PIP4K2B: variants seen among roughly 807,000 people sequenced by gnomAD.
The protein encoded by PIP4K2B is phosphatidylinositol 5-phosphate 4-kinase type-2 beta.
In PIP4K2B, 3 loss-of-function variants were observed where a neutral mutation model predicts 42.0. The observed-to-expected ratio is 0.07, with a 90% CI of 0.03 to 0.18. The LOEUF (loss-of-function observed/expected upper bound fraction) is 0.18, where lower values mean the gene tolerates loss of function less well. Among genes scored for constraint, PIP4K2B ranks in the 10% least tolerant of loss-of-function variants. The probability of loss-of-function intolerance (pLI) is 1.00; values close to 1 mark genes in which losing one functional copy is unlikely to be tolerated. For synonymous variants in PIP4K2B, 204 were observed against 210.1 expected, an observed-to-expected ratio of 0.97 and a Z score of 0.25; for missense variants, 332 against 562.3, an observed-to-expected ratio of 0.59 and a Z score of 4.14.
intron 1 of PIP4K2B, among the ~76,000 whole-genome samples, chr17:38,795,212 G>T (rs144858116): frequency 0.013 from 1,936 of 145,678 alleles, 29 homozygotes; most frequent in African/African-American, 0.047. Context: ...AATATAAAAA[G>T]AATTCTTGTA....
At chr17:38,797,140 A>G (rs1176708671) in intron 1 of PIP4K2B, among the ~76,000 whole-genome samples, 1 of 152,190 alleles carries the variant, frequency 6.6e-6, no homozygotes, top group African/African-American at 2.4e-5. Context: ...GCTTAAAGTC[A>G]ATGCCTTTCC....
rs763725996 is a variant in PIP4K2B, at chr17:38,784,253, T to C, written c.344A>G (p.Gln115Arg). ...NLRERFGIDD[Q>R]DYQNSVTRSA... ...CAGGAGCCTCCATACCTGGTAATCC[T>C]GATCATCAATTCCAAACCTCTCCCG... The change falls in exon 3 of 10, where the codon CAG becomes CGG. Residue 115 changes from glutamine to arginine, a missense_variant. Coordinates refer to ENST00000619039, the MANE Select transcript of PIP4K2B (RefSeq NM_003559.5). 3 of 1,606,344 alleles carry C rather than the reference T, an allele frequency of 1.9e-6. No homozygotes were observed. The highest frequency in any genetic ancestry group is 2.6e-6 in the Non-Finnish European group (3 of 1,172,896).
chr17:38,776,699 A>G, intron 7 of PIP4K2B: 1 of 395,248 alleles, frequency 2.5e-6, no homozygotes, highest in Non-Finnish European at 4.9e-6. Flanking sequence ...CAATTAAAAA[A>G]AATTTTTTTT....
Position 38,770,532 on chromosome 17 carries a change from G to A in PIP4K2B, c.1074C>T (p.Pro358=). The change falls in exon 9 of 10, where the codon CCC becomes CCT. Residue 358 remains proline, a synonymous_variant. Coordinates refer to ENST00000619039, the MANE Select transcript of PIP4K2B (RefSeq NM_003559.5). ...TGGCCATGAAATACACCTCCTTCTT[G>A]GGGGAACCTGGAGGGACAAGGAGAG... ...VYAMKSHESS[P]KKEVYFMAII... 1 of 1,583,336 alleles carries A rather than the reference G, an allele frequency of 6.3e-7. No individual in the cohort carries two copies. The highest frequency in any genetic ancestry group is 8.7e-7 in the Non-Finnish European group (1 of 1,152,860).
At chr17:38,782,898 A>AT in intron 3 of PIP4K2B, among the ~76,000 whole-genome samples, 1 of 152,254 alleles carries the variant, frequency 6.6e-6, no homozygotes, top group East Asian at 1.9e-4. Context: ...AAAGTCAGCT[A>AT]TATTTCAGGC....
chr17:38,795,801 G>A (rs1910629196), intron 1 of PIP4K2B, among the ~76,000 whole-genome samples: 1 of 151,332 alleles, frequency 6.6e-6, no homozygotes, highest in Non-Finnish European at 1.5e-5. Flanking sequence ...GTAAGTACAT[G>A]AAAAAATGCT....
rs540339184 is a variant in PIP4K2B at position 38,787,767 on chromosome 17, T to C, written c.160-847A>G. Among the ~76,000 whole-genome samples, 3 of 152,214 alleles carry C rather than the reference T, an allele frequency of 2.0e-5. No homozygotes were observed. The South Asian group carries it at 6.2e-4, about 32-fold the overall frequency. On this transcript the variant is annotated intron_variant, in intron 1 of 9. Coordinates refer to ENST00000619039, the MANE Select transcript of PIP4K2B (RefSeq NM_003559.5). ...CACCACCATGTCCAGCTAATTTTTT[T>C]TTGTATTTTTAGTAGAGACAGGGTT...
intron 1 of PIP4K2B, among the ~76,000 whole-genome samples, chr17:38,798,716 A>C (rs866856799): frequency 6.6e-6 from 1 of 152,240 alleles, no homozygotes; most frequent in South Asian, 2.1e-4. Flanking sequence ...CAGTTGATAC[A>C]TCTTGTTCAA....
intron 1 of PIP4K2B, among the ~76,000 whole-genome samples, chr17:38,796,333 C>G (rs190017563): frequency 6.6e-6 from 1 of 152,264 alleles, no homozygotes; most frequent in East Asian, 1.9e-4. Flanking sequence ...TGGTTAAATA[C>G]AGAGTCACCA....
At chr17:38,795,121 A>G (rs61224943) in intron 1 of PIP4K2B, among the ~76,000 whole-genome samples, 11 of 150,746 alleles carry the variant, frequency 7.3e-5, no homozygotes, top group South Asian at 4.2e-4. Flanking sequence ...AAAAAAAAAA[A>G]AAAGAAAAAT....
At chr17:38,779,143 AC>A (rs1909538607) in intron 5 of PIP4K2B, among the ~76,000 whole-genome samples, 1 of 152,232 alleles carries the variant, frequency 6.6e-6, no homozygotes, top group African/African-American at 2.4e-5. Flanking sequence ...CATTCCACAG[AC>A]AGGAACATCA....
In PIP4K2B at chr17:38,770,484, G is replaced by A. The variant is rs1567651200; in HGVS notation, c.1122C>T (p.Tyr374=). ...FMAIIDILTP[Y]DTKKKAAHAA... ...CATGTGCAGCTTTCTTCTTTGTATC[G>A]TATGGCGTGAGGATATCAATGATGG... The change falls in exon 9 of 10, where the codon TAC becomes TAT. Residue 374 remains tyrosine (Y), a synonymous_variant. Transcript: ENST00000619039. The A allele has an allele frequency of 1.1e-5, 18 of 1,612,254 alleles. No homozygotes were observed. The highest frequency in any genetic ancestry group is 1.4e-5 in the Non-Finnish European group (16 of 1,178,652).
At chr17:38,777,260 T>C (rs1000847689) in intron 7 of PIP4K2B, among the ~76,000 whole-genome samples, 11 of 152,108 alleles carry the variant, frequency 7.2e-5, no homozygotes, top group African/African-American at 2.7e-4. Flanking sequence ...AGATGAGGTC[T>C]TGCTATGTTG....
intron 6 of PIP4K2B, 75 bp downstream of exon 6, chr17:38,778,259 C>G: frequency 7.3e-7 from 1 of 1,373,000 alleles, no homozygotes. Context: ...CTGGGGTGGG[C>G]GAGGGACAGG....
At chr17:38,796,644 A>C (rs776442277) in intron 1 of PIP4K2B, among the ~76,000 whole-genome samples, 1 of 152,202 alleles carries the variant, frequency 6.6e-6, no homozygotes, top group African/African-American at 2.4e-5. Flanking sequence ...TCCTGTGACA[A>C]CACCAAGTTC....
chr17:38,773,337 C>A (rs1055341592), intron 7 of PIP4K2B, among the ~76,000 whole-genome samples: 1 of 152,144 alleles, frequency 6.6e-6, no homozygotes, highest in African/African-American at 2.4e-5. Flanking sequence ...ATATTCTCAA[C>A]CCATTCCCTG....
At chr17:38,776,760 T>C in intron 7 of PIP4K2B, 1 of 336,528 alleles carries the variant, frequency 3.0e-6, no homozygotes, top group Non-Finnish European at 5.9e-6. Context: ...CTCAATTTAT[T>C]AAAAGAGAAG....
chr17:38,770,939 G>T (rs1035505676), intron 8 of PIP4K2B, 75 bp downstream of exon 8: 29 of 1,540,080 alleles, frequency 1.9e-5, no homozygotes, highest in Non-Finnish European at 2.5e-5. Flanking sequence ...GATGCCCCTA[G>T]AAGGATCTAA....
At chr17:38,786,968 C>T in intron 1 of PIP4K2B, 48 bp from the exon 2 acceptor site, 1 of 1,107,966 alleles carries the variant, frequency 9.0e-7, no homozygotes. Flanking sequence ...GGCCACCTGC[C>T]TCAGAGACAC....
Sources: gnomAD v4.1 joint callset for allele counts (sites outside exome capture counted in the v4.1 genomes callset) on GRCh38, gnomAD v4.1.1 for gene constraint, MANE v1.5 for transcripts, NCBI Gene and HGNC (gene_info 2026-07-23, HGNC 2026-07-21) for gene names.